Variants in TAS2R1 observed in about 807,000 individuals in gnomAD.
TAS2R1 encodes the protein taste receptor type 2 member 1.
For synonymous variants in TAS2R1, 141 were observed against 134.2 expected (o/e 1.05, Z -0.35); for missense variants, 370 against 353.4 (o/e 1.05, Z -0.38).
At chr5:9,818,230 C>CATTT in the TAS2R1 span, among the ~76,000 whole-genome samples, 19 of 152,252 alleles carry the variant, frequency 1.2e-4, no homozygotes, top group Non-Finnish European at 2.8e-4. Context: ...CAAGTGGGCT[C>CATTT]ATTTGGCCAT....
chr5:9,690,829 C>T (rs1249777675), intron 1 of TAS2R1, among the ~76,000 whole-genome samples: 2 of 152,064 alleles, frequency 1.3e-5, no homozygotes, highest in African/African-American at 4.8e-5. Flanking sequence ...GCAAGGCATC[C>T]TTTACCAACA....
At chr5:9,817,888 G>A in the TAS2R1 span, among the ~76,000 whole-genome samples, 1 of 151,830 alleles carries the variant, frequency 6.6e-6, no homozygotes, top group African/African-American at 2.4e-5. Context: ...AGGGAGAGGG[G>A]GAGGGGGAGG....
chr5:9,817,868 C>A, the TAS2R1 span, among the ~76,000 whole-genome samples: 1 of 139,442 alleles, frequency 7.2e-6, no homozygotes, highest in Non-Finnish European at 1.5e-5. Context: ...GGCAGGAGAG[C>A]GAGAGGGAGA....
intron 1 of TAS2R1, among the ~76,000 whole-genome samples, chr5:9,689,609 A>G (rs1162699381): frequency 6.6e-6 from 1 of 152,152 alleles, no homozygotes; most frequent in African/African-American, 2.4e-5. Flanking sequence ...GATTTTTATC[A>G]CAATGTAATA....
the TAS2R1 span, among the ~76,000 whole-genome samples, chr5:9,760,046 G>A: frequency 1.7e-4 from 26 of 152,166 alleles, no homozygotes; most frequent in Non-Finnish European, 3.7e-4. Context: ...CCTATGGTTA[G>A]TAAAAGGCTA....
At chr5:9,828,506 A>G in the TAS2R1 span, among the ~76,000 whole-genome samples, 4 of 152,212 alleles carry the variant, frequency 2.6e-5, no homozygotes, top group Non-Finnish European at 5.9e-5. Context: ...CCAAAGTACC[A>G]AGTATATGGT....
upstream of TAS2R1, among the ~76,000 whole-genome samples, chr5:9,634,947 T>G (rs192914530): frequency 1.4e-3 from 207 of 152,230 alleles, no homozygotes; most frequent in African/African-American, 4.5e-3. Context: ...TTCTTTCTCT[T>G]GTTTGATTGA....
chr5:9,750,769 T>A, the TAS2R1 span, among the ~76,000 whole-genome samples: 1 of 152,108 alleles, frequency 6.6e-6, no homozygotes, highest in African/African-American at 2.4e-5. Flanking sequence ...GCAATCAGAT[T>A]GAAATAACTG....
chr5:9,665,300 T>C (rs1261360821), intron 1 of TAS2R1, among the ~76,000 whole-genome samples: 1 of 152,240 alleles, frequency 6.6e-6, no homozygotes, highest in Non-Finnish European at 1.5e-5. Flanking sequence ...ATCGAGGCCA[T>C]CTGAACAATC....
chr5:9,726,911 C>T, the TAS2R1 span, among the ~76,000 whole-genome samples: 5 of 152,220 alleles, frequency 3.3e-5, no homozygotes, highest in Admixed American at 2.6e-4. Flanking sequence ...CTTGTTTTCA[C>T]ACTGGTTTAC....
At chr5:9,690,965 C>T (rs986724450) in intron 1 of TAS2R1, among the ~76,000 whole-genome samples, 4 of 152,164 alleles carry the variant, frequency 2.6e-5, no homozygotes, top group Admixed American at 6.5e-5. Context: ...TTCTACCAGG[C>T]CTCACTCGAC....
intron 2 of TAS2R1, among the ~76,000 whole-genome samples, chr5:9,657,329 G>C (rs1339347879): frequency 6.6e-6 from 1 of 152,092 alleles, no homozygotes; most frequent in Non-Finnish European, 1.5e-5. Flanking sequence ...CATCTCAAAA[G>C]TCTGTTCCAC....
chr5:9,695,522 T>C (rs917352227), intron 1 of TAS2R1, among the ~76,000 whole-genome samples: 2 of 150,604 alleles, frequency 1.3e-5, no homozygotes, highest in Non-Finnish European at 2.9e-5. Context: ...GCCTAGATGC[T>C]GCATTTTGAA....
the TAS2R1 span, among the ~76,000 whole-genome samples, chr5:9,799,297 T>C: frequency 2.0e-5 from 3 of 152,254 alleles, no homozygotes; most frequent in African/African-American, 7.2e-5. Context: ...TGCAAACTAA[T>C]TAACTAAGTA....
the TAS2R1 span, among the ~76,000 whole-genome samples, chr5:9,721,996 A>AACTTGCT: frequency 6.6e-6 from 1 of 152,214 alleles, no homozygotes; most frequent in Non-Finnish European, 1.5e-5. Flanking sequence ...CCAGTAACTT[A>AACTTGCT]ACTTGCTACT....
chr5:9,649,433 T>C (rs1740260099), intron 2 of TAS2R1, among the ~76,000 whole-genome samples: 2 of 152,236 alleles, frequency 1.3e-5, no homozygotes, highest in Non-Finnish European at 2.9e-5. Flanking sequence ...TCTTTAATTG[T>C]ATGACCTCAT....
At chr5:9,730,683 G>A in the TAS2R1 span, among the ~76,000 whole-genome samples, 1 of 152,116 alleles carries the variant, frequency 6.6e-6, no homozygotes, top group Admixed American at 6.5e-5. Flanking sequence ...TGAGACACCA[G>A]GGCATGAAGA....
intron 1 of TAS2R1, among the ~76,000 whole-genome samples, chr5:9,679,005 G>C (rs1300089364): frequency 6.6e-6 from 1 of 152,102 alleles, no homozygotes; most frequent in Non-Finnish European, 1.5e-5. Context: ...ACTGCACCCA[G>C]AAAATCAAAT....
At chr5:9,683,090 T>C (rs192093233) in intron 1 of TAS2R1, among the ~76,000 whole-genome samples, 2 of 152,334 alleles carry the variant, frequency 1.3e-5, no homozygotes, top group East Asian at 3.9e-4. Flanking sequence ...TTATTTATTC[T>C]TTGCCTTTTA....
Sources: allele counts gnomAD v4.1 joint callset (sites outside exome capture counted in the v4.1 genomes callset), GRCh38; gene constraint gnomAD v4.1.1; transcripts MANE v1.5; gene names NCBI Gene and HGNC (gene_info 2026-07-23, HGNC 2026-07-21).